The following ENTREP2 variants were observed in gnomAD, a reference collection of about 807,000 sequenced individuals.
ENTREP2 encodes protein ENTREP2.
At chr15:29,516,119 T>C in the ENTREP2 span, among the ~76,000 whole-genome samples, 1 of 152,198 alleles carries the variant, frequency 6.6e-6, no homozygotes, top group South Asian at 2.1e-4. Context: ...ATGCCCAAGC[T>C]GCCTCCCAGA....
the ENTREP2 span, among the ~76,000 whole-genome samples, chr15:29,625,963 C>T: frequency 2.0e-5 from 3 of 152,188 alleles, no homozygotes; most frequent in Non-Finnish European, 4.4e-5. Context: ...TCTCCTGCCT[C>T]AGCCTCCTAA....
the ENTREP2 span, among the ~76,000 whole-genome samples, chr15:29,145,645 A>AC: frequency 6.7e-6 from 1 of 149,884 alleles, no homozygotes; most frequent in Non-Finnish European, 1.5e-5. Context: ...AAAAAAAAAA[A>AC]CAACCAACAA....
At chr15:29,658,975 C>A in the ENTREP2 span, among the ~76,000 whole-genome samples, 1 of 152,250 alleles carries the variant, frequency 6.6e-6, no homozygotes, top group Non-Finnish European at 1.5e-5. Flanking sequence ...CAATGAGACT[C>A]ACTTCACACA....
the ENTREP2 span, among the ~76,000 whole-genome samples, chr15:29,135,875 G>A: frequency 5.9e-5 from 9 of 152,294 alleles, no homozygotes; most frequent in African/African-American, 2.2e-4. This position sits in a 1 kb window ranked among gnomAD's most constrained non-coding sequence, Gnocchi z 7.4. Context: ...GGTGATGGCA[G>A]TGTGTGATCA....
At chr15:29,655,375 A>G in the ENTREP2 span, among the ~76,000 whole-genome samples, 3 of 152,322 alleles carry the variant, frequency 2.0e-5, no homozygotes, top group Middle Eastern at 3.4e-3. Flanking sequence ...AATATCACCT[A>G]TATTGACTCA....
the ENTREP2 span, among the ~76,000 whole-genome samples, chr15:29,369,991 C>A: frequency 6.6e-6 from 1 of 152,182 alleles, no homozygotes; most frequent in Non-Finnish European, 1.5e-5. Context: ...ATGCGATTGT[C>A]CAATCTTGAA....
At chr15:29,207,256 T>C in the ENTREP2 span, among the ~76,000 whole-genome samples, 1 of 152,280 alleles carries the variant, frequency 6.6e-6, no homozygotes, top group Non-Finnish European at 1.5e-5. Context: ...GGACTGGCAT[T>C]GTGTCCAGAA....
the ENTREP2 span, among the ~76,000 whole-genome samples, chr15:29,287,498 T>C: frequency 6.6e-6 from 1 of 151,866 alleles, no homozygotes; most frequent in Non-Finnish European, 1.5e-5. Context: ...CAGCAATAGA[T>C]AACCAAAACA....
the ENTREP2 span, among the ~76,000 whole-genome samples, chr15:29,647,296 G>T: frequency 6.6e-6 from 1 of 152,182 alleles, no homozygotes; most frequent in African/African-American, 2.4e-5. Context: ...GAAAGCAGAA[G>T]TTATTCAAGG....
chr15:29,623,908 G>C, the ENTREP2 span, among the ~76,000 whole-genome samples: 2 of 152,072 alleles, frequency 1.3e-5, no homozygotes, highest in African/African-American at 4.8e-5. Context: ...GCTAAGTTTT[G>C]TATTTTTAGT....
chr15:29,137,227 G>A, the ENTREP2 span: 2 of 1,454,916 alleles, frequency 1.4e-6, no homozygotes, highest in South Asian at 3.0e-5. Flanking sequence ...GAGTTATCTG[G>A]GACATCTTGT....
At chr15:29,656,171 A>T in the ENTREP2 span, among the ~76,000 whole-genome samples, 1 of 152,150 alleles carries the variant, frequency 6.6e-6, no homozygotes, top group Non-Finnish European at 1.5e-5. Context: ...TATAAACAAA[A>T]ATTGAGAGAA....
the ENTREP2 span, chr15:29,128,891 G>C: frequency 6.5e-7 from 1 of 1,529,660 alleles, no homozygotes; most frequent in East Asian, 2.5e-5. Flanking sequence ...AAAGCGTCAA[G>C]GCGGCTGGTC....
At chr15:29,373,969 G>T in the ENTREP2 span, 2 of 151,992 alleles carry the variant, frequency 1.3e-5, no homozygotes, top group African/African-American at 4.8e-5. Context: ...AAATATGTAC[G>T]CATCTGTGTA....
the ENTREP2 span, among the ~76,000 whole-genome samples, chr15:29,672,100 C>T: frequency 3.3e-5 from 5 of 152,296 alleles, no homozygotes; most frequent in African/African-American, 1.2e-4. Context: ...GATTTTCATG[C>T]CTCAGCCTCC....
At chr15:29,618,789 T>C in the ENTREP2 span, among the ~76,000 whole-genome samples, 3 of 151,984 alleles carry the variant, frequency 2.0e-5, no homozygotes, top group Non-Finnish European at 4.4e-5. Context: ...CACCCCAGGG[T>C]GGCAGCACCC....
At chr15:29,403,235 T>C in the ENTREP2 span, among the ~76,000 whole-genome samples, 4 of 152,098 alleles carry the variant, frequency 2.6e-5, no homozygotes, top group Admixed American at 6.6e-5. Context: ...ATTTCAGACA[T>C]AAATGCAAGC....
At chr15:29,169,939 T>A in the ENTREP2 span, among the ~76,000 whole-genome samples, 1 of 152,166 alleles carries the variant, frequency 6.6e-6, no homozygotes, top group Admixed American at 6.5e-5. Flanking sequence ...ATACAATTAT[T>A]CATACAGAAA....
At chr15:29,359,942 A>G in the ENTREP2 span, among the ~76,000 whole-genome samples, 1 of 152,226 alleles carries the variant, frequency 6.6e-6, no homozygotes, top group African/African-American at 2.4e-5. Flanking sequence ...GGAATCAAAG[A>G]TAAGGTTCAT....
Sources: allele counts gnomAD v4.1 joint callset (sites outside exome capture counted in the v4.1 genomes callset), GRCh38; gene constraint gnomAD v4.1.1; non-coding constraint Gnocchi (gnomAD v3.1); transcripts MANE v1.5; gene names NCBI Gene and HGNC (gene_info 2026-07-23, HGNC 2026-07-21).